ABHD12: variants seen among roughly 807,000 people sequenced by gnomAD.
ABHD12 encodes the protein abhydrolase domain containing 12, lysophospholipase.
In ABHD12, 43 loss-of-function variants were observed where a neutral mutation model predicts 58.3. That is an observed-to-expected ratio of 0.74 (90% CI 0.58 to 0.95). The LOEUF is 0.95. Ranked by LOEUF, ABHD12 falls within the 40% of genes least tolerant of loss-of-function variation. ABHD12 has a pLI of 0.00. For missense variants in ABHD12, 539 were observed against 537.2 expected (o/e 1.00, Z -0.03); for synonymous variants, 219 against 211.2 (o/e 1.04, Z -0.32).
intron 1 of ABHD12, among the ~76,000 whole-genome samples, chr20:25,349,323 G>T (rs77743253): frequency 0.012 from 1,903 of 152,284 alleles, 35 homozygotes; most frequent in African/African-American, 0.04. Flanking sequence ...ATGGAAAACA[G>T]TTTGGCCATT....
intron 1 of ABHD12, among the ~76,000 whole-genome samples, chr20:25,386,244 G>A (rs1408163913): frequency 6.6e-6 from 1 of 151,060 alleles, no homozygotes; most frequent in Non-Finnish European, 1.5e-5. Flanking sequence ...CACAAATGAT[G>A]TAAAATTTCT....
At chr20:25,365,337 C>T (rs1286460482) in intron 1 of ABHD12, among the ~76,000 whole-genome samples, 1 of 152,114 alleles carries the variant, frequency 6.6e-6, no homozygotes, top group Non-Finnish European at 1.5e-5. Context: ...GTTCTCATTC[C>T]TTTTTCTCAT....
intron 1 of ABHD12, among the ~76,000 whole-genome samples, chr20:25,362,522 C>T (rs550354421): frequency 4.3e-4 from 62 of 144,202 alleles, no homozygotes; most frequent in Admixed American, 2.7e-3. Context: ...GCTGAGATCG[C>T]GCCACTGCAC....
chr20:25,371,769 G>A (rs979755057), intron 1 of ABHD12, among the ~76,000 whole-genome samples: 4 of 152,076 alleles, frequency 2.6e-5, no homozygotes, highest in Non-Finnish European at 4.4e-5. Flanking sequence ...AGCTGGTCTC[G>A]AACTCCTTGG....
intron 1 of ABHD12, among the ~76,000 whole-genome samples, chr20:25,358,113 A>G (rs544824589): frequency 3.2e-4 from 48 of 152,268 alleles, no homozygotes; most frequent in African/African-American, 1.1e-3. Context: ...ATCATGTTGG[A>G]AGTCACATTG....
At chr20:25,325,442 A>G (rs2089158667) in intron 2 of ABHD12, among the ~76,000 whole-genome samples, 1 of 152,144 alleles carries the variant, frequency 6.6e-6, no homozygotes, top group Admixed American at 6.5e-5. Context: ...CAGTGTCTTT[A>G]TGGAGGTAAT....
intron 12 of ABHD12, 121 bp from the exon 13 acceptor site, chr20:25,301,005 C>T: frequency 9.7e-7 from 1 of 1,029,776 alleles, no homozygotes. Context: ...GCCAAGAGCC[C>T]CATGAGGATG....
At chr20:25,325,265 G>A (rs1440850429) in intron 2 of ABHD12, among the ~76,000 whole-genome samples, 1 of 148,144 alleles carries the variant, frequency 6.8e-6, no homozygotes, top group Non-Finnish European at 1.5e-5. Flanking sequence ...CGGCTGCACA[G>A]CCCTGCCTCC....
At position 25,348,658 on chromosome 20, in the gene ABHD12, A is replaced by G. The variant is rs138000340; in HGVS notation, c.192-9307T>C. Among the ~76,000 whole-genome samples, 181 of 152,084 alleles carry G rather than the reference A, an allele frequency of 1.2e-3. 1 individual carries two copies. Among genetic ancestry groups the G allele is most frequent in the African/African-American group, 4.2e-3 (173 of 41,492 alleles). The stretch of plus-strand genomic sequence containing the variant: ...ATAAATAAGCAAGTAGCGACAACTC[A>G]CTCAAATTGTGCGGAAAAAAACTAA... On this transcript the variant is annotated intron_variant, in intron 1 of 12. Coordinates refer to ENST00000339157, the MANE Select transcript of ABHD12 (RefSeq NM_001042472.3).
intron 1 of ABHD12, among the ~76,000 whole-genome samples, chr20:25,352,094 A>G (rs1034202349): frequency 6.7e-6 from 1 of 148,152 alleles, no homozygotes; most frequent in Non-Finnish European, 1.5e-5. Flanking sequence ...TGGGTTCAAG[A>G]GATTCTCTAG....
chr20:25,317,064 C>G lies in ABHD12; in HGVS notation c.557G>C (p.Arg186Pro), dbSNP rs587777604. 1 of 1,612,594 alleles carries G rather than the reference C, an allele frequency of 6.2e-7. No homozygotes were observed. The highest frequency in any genetic ancestry group is 8.5e-7 in the Non-Finnish European group (1 of 1,179,372). Residue 186 changes from arginine (R) to proline (P), a missense_variant, in exon 5 of 13, where the codon CGC (arginine) becomes CCC (proline). By Grantham distance (103) the Arg-to-Pro change is moderately radical. Coordinates refer to ENST00000339157, the MANE Select transcript of ABHD12 (RefSeq NM_001042472.3). ...GNAGTRGGDH[R>P]VELYKVLSSL... ...TGCACTCACCTTGTAAAGCTCCACG[C>G]GGTGGTCGCCTCCTCTGGAGAAGAA...
intron 1 of ABHD12, among the ~76,000 whole-genome samples, chr20:25,370,257 C>T (rs1043822435): frequency 2.0e-5 from 3 of 152,152 alleles, no homozygotes; most frequent in African/African-American, 2.4e-5. Flanking sequence ...TGCTTCCCTA[C>T]TCCCTCAGCT....
intron 1 of ABHD12, among the ~76,000 whole-genome samples, chr20:25,370,509 T>G (rs1362373672): frequency 2.0e-5 from 3 of 152,216 alleles, no homozygotes; most frequent in Non-Finnish European, 4.4e-5. Context: ...TTCTCTCAAG[T>G]GACACTGGCT....
At chr20:25,306,798 A>C in intron 10 of ABHD12, 35 bp downstream of exon 10, 1 of 1,486,882 alleles carries the variant, frequency 6.7e-7, no homozygotes. Context: ...AGTTTTTCTA[A>C]ATAGGAAAAT....
intron 1 of ABHD12, among the ~76,000 whole-genome samples, chr20:25,386,811 G>A (rs2090097432): frequency 6.6e-6 from 1 of 151,946 alleles, no homozygotes; most frequent in Non-Finnish European, 1.5e-5. Flanking sequence ...AACCTGGGAG[G>A]CAGAAGTTGC....
intron 2 of ABHD12, among the ~76,000 whole-genome samples, chr20:25,338,327 C>G (rs927034199): frequency 3.9e-5 from 6 of 152,198 alleles, no homozygotes; most frequent in African/African-American, 1.4e-4. Flanking sequence ...ATGTGCAAAC[C>G]AATCTAGCCA....
At position 25,355,063 on chromosome 20, in the gene ABHD12, G is replaced by C. The variant is rs112088901; in HGVS notation, c.192-15712C>G. Among the ~76,000 whole-genome samples, 302 of 152,282 alleles carry C rather than the reference G, an allele frequency of 2.0e-3. 1 individual carries two copies. The highest frequency in any genetic ancestry group is 7.1e-3 in the African/African-American group (296 of 41,552). ...TGGATCAGGAAACAGGAAAAGTAAA[G>C]GTACAATCACTCCAGAGGGCCCCCA... On this transcript the variant is annotated intron_variant, in intron 1 of 12. Coordinates refer to ENST00000339157, the MANE Select transcript of ABHD12 (RefSeq NM_001042472.3).
chr20:25,377,700 T>C (rs1212365011), intron 1 of ABHD12, among the ~76,000 whole-genome samples: 1 of 152,124 alleles, frequency 6.6e-6, no homozygotes, highest in African/African-American at 2.4e-5. Flanking sequence ...CTCTAGTTTT[T>C]TTGTTTGTTT....
chr20:25,336,254 A>T (rs569967764), intron 2 of ABHD12, among the ~76,000 whole-genome samples: 1 of 152,202 alleles, frequency 6.6e-6, no homozygotes, highest in East Asian at 1.9e-4. Flanking sequence ...TACGGTGTTA[A>T]CAAGCATTTT....
Sources: allele counts gnomAD v4.1 joint callset (sites outside exome capture counted in the v4.1 genomes callset), GRCh38; gene constraint gnomAD v4.1.1; transcripts MANE v1.5; gene names NCBI Gene and HGNC (gene_info 2026-07-23, HGNC 2026-07-21).